The following RBPJ variants were observed in gnomAD, a reference collection of about 807,000 sequenced individuals.
RBPJ encodes the protein recombining binding protein suppressor of hairless.
In RBPJ, 9 loss-of-function variants were observed where a neutral mutation model predicts 67.8. The observed-to-expected ratio is 0.13, with a 90% CI of 0.08 to 0.23. The LOEUF is 0.23. RBPJ is among the 10% of genes least tolerant of loss of function. RBPJ has a pLI of 1.00. For synonymous variants in RBPJ, 198 were observed against 203.3 expected, an observed-to-expected ratio of 0.97 and a Z score of 0.22; for missense variants, 305 against 595.6, an observed-to-expected ratio of 0.51 and a Z score of 5.08.
chr4:26,407,785 G>A (rs1733584809), intron 3 of RBPJ, among the ~76,000 whole-genome samples: 1 of 150,198 alleles, frequency 6.7e-6, no homozygotes, highest in Non-Finnish European at 1.5e-5. Context: ...AATGTAATAT[G>A]TATGTGATTA....
intron 1 of RBPJ, among the ~76,000 whole-genome samples, chr4:26,220,842 C>A (rs374029610): frequency 7.2e-5 from 11 of 152,216 alleles, no homozygotes; most frequent in Admixed American, 5.9e-4. Context: ...GCTCCCCTGG[C>A]CTGAGGTCCA....
intron 1 of RBPJ, among the ~76,000 whole-genome samples, chr4:26,325,199 T>C (rs1000446003): frequency 6.6e-6 from 1 of 152,226 alleles, no homozygotes; most frequent in Non-Finnish European, 1.5e-5. Context: ...AAAAAATCTC[T>C]TGAATTTGTT....
At chr4:26,417,847 A>G (rs1734745347) in intron 4 of RBPJ, among the ~76,000 whole-genome samples, 1 of 152,166 alleles carries the variant, frequency 6.6e-6, no homozygotes, top group Non-Finnish European at 1.5e-5. Flanking sequence ...TCATTTTGCA[A>G]TTTTTGGTGT....
At chr4:26,320,746 G>A, upstream of RBPJ, 1 of 1,552,158 alleles carries the variant, frequency 6.4e-7, no homozygotes, top group Non-Finnish European at 8.7e-7. Context: ...CGGATAACCG[G>A]AGCGCTCCCC....
Position 26,333,956 on chromosome 4 carries a change from T to G in RBPJ, c.20+12908T>G, listed in dbSNP as rs144869067. 2.8e-3 allele frequency among the ~76,000 whole-genome samples: 425 copies of G among 152,218 alleles called. 6 individuals carry two copies. Among genetic ancestry groups the G allele is most frequent in the East Asian group, 6.4e-3 (33 of 5,182 alleles). On this transcript the variant is annotated intron_variant, in intron 1 of 10. Transcript: ENST00000355476. ...TGCTGGAATTATAGTTGTGAGCCAC[T>G]GTACATGGCTCGGACATAATTTTTA...
upstream of RBPJ, among the ~76,000 whole-genome samples, chr4:26,314,952 C>T (rs368135317): frequency 3.7e-4 from 56 of 151,456 alleles, no homozygotes; most frequent in African/African-American, 1.2e-3. Context: ...TGAGAACATC[C>T]TGGCCAACAT....
chr4:26,386,428 T>C, intron 2 of RBPJ, 37 bp downstream of exon 2: 1 of 1,360,372 alleles, frequency 7.4e-7, no homozygotes, highest in East Asian at 2.3e-5. Context: ...ACACATACAT[T>C]TTATGAAAGT....
At chr4:26,248,146 C>T (rs2109232008) in intron 1 of RBPJ, among the ~76,000 whole-genome samples, 1 of 152,130 alleles carries the variant, frequency 6.6e-6, no homozygotes, top group Non-Finnish European at 1.5e-5. Flanking sequence ...CAAAAATTAG[C>T]CAGGTGTGGT....
chr4:26,297,745 TAA>T (rs1721929985), intron 1 of RBPJ, among the ~76,000 whole-genome samples: 1 of 151,950 alleles, frequency 6.6e-6, no homozygotes, highest in Non-Finnish European at 1.5e-5. Context: ...TATCTATTTT[TAA>T]AAAACAATTC....
intron 1 of RBPJ, among the ~76,000 whole-genome samples, chr4:26,301,330 C>T (rs1307739858): frequency 1.3e-5 from 2 of 152,198 alleles, no homozygotes; most frequent in East Asian, 1.9e-4. Flanking sequence ...TGGTGGCTCA[C>T]ACCTGTAATC....
At chr4:26,195,991 CAG>C (rs147155469) in intron 1 of RBPJ, among the ~76,000 whole-genome samples, 11,862 of 151,604 alleles carry the variant, frequency 0.078, 517 homozygotes, top group Non-Finnish European at 0.088. Context: ...AAAGAGGAAA[CAG>C]AGAGAGAGAG....
chr4:26,327,001 T>C (rs1723691718), intron 1 of RBPJ, among the ~76,000 whole-genome samples: 1 of 152,194 alleles, frequency 6.6e-6, no homozygotes, highest in Non-Finnish European at 1.5e-5. Flanking sequence ...CCCAGCTTTT[T>C]GGGGTCTATT....
At chr4:26,162,355 C>T (rs1048179541), upstream of RBPJ, among the ~76,000 whole-genome samples, 11 of 152,210 alleles carry the variant, frequency 7.2e-5, no homozygotes, top group African/African-American at 2.2e-4. Context: ...GTTCACTCTA[C>T]GGCAAGGCCA....
chr4:26,139,034 C>A, the RBPJ span, among the ~76,000 whole-genome samples: 1 of 152,232 alleles, frequency 6.6e-6, no homozygotes, highest in African/African-American at 2.4e-5. Flanking sequence ...CAGCTCAGGA[C>A]AACCCAGGCA....
intron 1 of RBPJ, among the ~76,000 whole-genome samples, chr4:26,185,393 C>T (rs1282818382): frequency 6.6e-6 from 1 of 152,110 alleles, no homozygotes; most frequent in Non-Finnish European, 1.5e-5. Flanking sequence ...CTCTCCTCAA[C>T]ACCACGGTCA....
At chr4:26,109,623 C>A in the RBPJ span, among the ~76,000 whole-genome samples, 2 of 20,798 alleles carry the variant, frequency 9.6e-5, no homozygotes, top group African/African-American at 3.3e-4. Context: ...TGTCCACCTT[C>A]CTCTCTCTCT....
rs115303654 is a variant in RBPJ, at chr4:26,276,885, C to A, written c.-166-85561C>A. Among the ~76,000 whole-genome samples the A allele has an allele frequency of 3.6e-3, 548 of 152,268 alleles. 4 individuals carry two copies. Among genetic ancestry groups the A allele is most frequent in the African/African-American group, 0.013 (533 of 41,566 alleles). On this transcript the variant is annotated intron_variant, in intron 1 of 4. Coordinates refer to the RBPJ transcript ENST00000512351. ...GTCAAAAACTGCCTTTCTTCTTCAACCTGTGAAATCAGATTTAAATGTATT... is the reference window on the plus strand; with the variant it reads ...GTCAAAAACTGCCTTTCTTCTTCAAACTGTGAAATCAGATTTAAATGTATT...
At chr4:26,351,281 A>G (rs1193081540) in intron 1 of RBPJ, among the ~76,000 whole-genome samples, 4 of 152,172 alleles carry the variant, frequency 2.6e-5, no homozygotes, top group Non-Finnish European at 5.9e-5. Context: ...AGTAAAAGGG[A>G]ATTAGGGAGT....
chr4:26,399,102 C>T (rs916691812), intron 2 of RBPJ, among the ~76,000 whole-genome samples: 4 of 152,012 alleles, frequency 2.6e-5, no homozygotes, highest in Admixed American at 6.6e-5. Context: ...ACTTTTCTGC[C>T]GTAACCTTAG....
Sources: gnomAD v4.1 joint callset for allele counts (sites outside exome capture counted in the v4.1 genomes callset) on GRCh38, gnomAD v4.1.1 for gene constraint, MANE v1.5 for transcripts, NCBI Gene and HGNC (gene_info 2026-07-23, HGNC 2026-07-21) for gene names.